Variants in DOCK7 observed in about 807,000 individuals in gnomAD.
DOCK7 encodes dedicator of cytokinesis protein 7.
In DOCK7, 138 loss-of-function variants were observed where a neutral mutation model predicts 271.0. The ratio of observed to expected loss-of-function variants is 0.51; its 90% CI spans 0.44 to 0.59. The LOEUF is 0.59. DOCK7 is among the 20% of genes least tolerant of loss of function. DOCK7 has a pLI of 0.00. For missense variants in DOCK7, 2,066 were observed against 2,592.4 expected (o/e 0.80, Z 4.41); for synonymous variants, 823 against 876.1 (o/e 0.94, Z 1.07).
At chr1:62,674,847 A>AT (rs1469533947) in intron 1 of DOCK7, among the ~76,000 whole-genome samples, 1 of 152,190 alleles carries the variant, frequency 6.6e-6, no homozygotes, top group East Asian at 1.9e-4. Flanking sequence ...AAACTATCAA[A>AT]TTTTTAGCAG....
intron 22 of DOCK7, among the ~76,000 whole-genome samples, chr1:62,546,578 A>G (rs1478772204): frequency 6.6e-6 from 1 of 152,136 alleles, no homozygotes; most frequent in Non-Finnish European, 1.5e-5. Context: ...CATGGTAAGA[A>G]TCAAATTAAA....
intron 41 of DOCK7, among the ~76,000 whole-genome samples, chr1:62,489,860 C>T (rs892050942): frequency 6.6e-6 from 1 of 152,016 alleles, no homozygotes; most frequent in African/African-American, 2.4e-5. Flanking sequence ...TTTACTTTTC[C>T]AAAATATTAA....
intron 14 of DOCK7, among the ~76,000 whole-genome samples, chr1:62,596,028 C>T (rs1321409319): frequency 6.6e-6 from 1 of 152,084 alleles, no homozygotes; most frequent in Non-Finnish European, 1.5e-5. Context: ...TGTTAAAAAG[C>T]TATTAACTTT....
At chr1:62,477,659 CA>C (rs1372011385) in intron 44 of DOCK7, 40 bp downstream of exon 44, 5 of 1,532,554 alleles carry the variant, frequency 3.3e-6, no homozygotes, top group Admixed American at 2.1e-5. Flanking sequence ...AGAGAGAATA[CA>C]AACTAAAGAT....
At chr1:62,648,370 A>G (rs747542574) in intron 5 of DOCK7, 45 bp downstream of exon 5, 58 of 1,435,476 alleles carry the variant, frequency 4.0e-5, no homozygotes, top group Non-Finnish European at 4.1e-5. Flanking sequence ...ATTGACAACT[A>G]TTTTTAAATA....
At chr1:62,530,819 GC>G (rs201685496) in intron 29 of DOCK7, 1,635 of 153,180 alleles carry the variant, frequency 0.011, 10 homozygotes, top group Non-Finnish European at 0.017. Context: ...TGCCGTAACT[GC>G]CGCAAGAAGT....
rs747963484 is a variant in DOCK7 at position 62,552,771 on chromosome 1, C to A, written c.2727G>T (p.Thr909=). 1.9e-6 allele frequency: 3 copies of A among 1,613,296 alleles called. No individual in the cohort carries two copies. Among genetic ancestry groups the A allele is most frequent in the Non-Finnish European group, 2.5e-6 (3 of 1,179,670 alleles). ...NSNPDISGTP[T]SPDDEVRSII... ...TTGATCGAACTTCATCATCTGGTGA[C>A]GTGGGAGTCCCAGATATATCTGGAT... The change falls in exon 22 of 50, where the codon ACG becomes ACT. Residue 909 remains threonine, a synonymous_variant. Transcript: ENST00000635253.
chr1:62,527,817 T>C (rs1645056869), intron 31 of DOCK7, among the ~76,000 whole-genome samples: 2 of 149,490 alleles, frequency 1.3e-5, no homozygotes, highest in African/African-American at 2.5e-5. Context: ...ACATGGCACA[T>C]GTATACATAT....
At chr1:62,549,513 A>G (rs1645822276) in intron 22 of DOCK7, among the ~76,000 whole-genome samples, 1 of 152,146 alleles carries the variant, frequency 6.6e-6, no homozygotes, top group Non-Finnish European at 1.5e-5. Flanking sequence ...TTTTTATTTA[A>G]TTTTGTGGGT....
chr1:62,576,447 A>G (rs1159951152), intron 18 of DOCK7, among the ~76,000 whole-genome samples: 1 of 152,222 alleles, frequency 6.6e-6, no homozygotes, highest in Non-Finnish European at 1.5e-5. Context: ...GCTCTGTGCT[A>G]TGTGGCTATC....
intron 1 of DOCK7, among the ~76,000 whole-genome samples, chr1:62,687,280 T>TA (rs1427790037): frequency 1.3e-5 from 2 of 152,246 alleles, no homozygotes; most frequent in Non-Finnish European, 2.9e-5. Flanking sequence ...CTACAAATAT[T>TA]AGAGTCCTCT....
intron 1 of DOCK7, among the ~76,000 whole-genome samples, chr1:62,674,844 C>T (rs985889473): frequency 1.3e-5 from 2 of 152,048 alleles, no homozygotes; most frequent in Non-Finnish European, 2.9e-5. Flanking sequence ...CTAAAACTAT[C>T]AAATTTTTAG....
chr1:62,656,112 C>G (rs1157190850), intron 2 of DOCK7, among the ~76,000 whole-genome samples: 1 of 152,148 alleles, frequency 6.6e-6, no homozygotes, highest in Admixed American at 6.5e-5. Flanking sequence ...TCTTCTTTAA[C>G]CATTGTTATT....
chr1:62,523,983 T>C (rs1456551569), intron 31 of DOCK7, among the ~76,000 whole-genome samples: 5 of 152,154 alleles, frequency 3.3e-5, no homozygotes, highest in African/African-American at 7.2e-5. Flanking sequence ...GAACCACTTA[T>C]AACTGACAAT....
chr1:62,584,879 C>T (rs761725234), intron 15 of DOCK7: 1 of 715,638 alleles, frequency 1.4e-6, no homozygotes, highest in Non-Finnish European at 2.6e-6. Context: ...AGCTGGGGCT[C>T]TGTAGAGGAG....
chr1:62,631,441 C>T, intron 10 of DOCK7, 36 bp from the exon 11 acceptor site: 2 of 1,511,510 alleles, frequency 1.3e-6, no homozygotes, highest in Non-Finnish European at 1.8e-6. Context: ...TATGATTATA[C>T]TTGAAAGAAA....
intron 11 of DOCK7, among the ~76,000 whole-genome samples, chr1:62,629,865 T>A (rs2149617415): frequency 6.6e-6 from 1 of 152,318 alleles, no homozygotes; most frequent in South Asian, 2.1e-4. Flanking sequence ...TTCTAAATAT[T>A]CAAAACACTT....
intron 1 of DOCK7, among the ~76,000 whole-genome samples, chr1:62,686,075 C>T (rs1032890587): frequency 6.6e-6 from 1 of 151,932 alleles, no homozygotes; most frequent in Non-Finnish European, 1.5e-5. Context: ...AGTGCACTTA[C>T]TTTATCAGCA....
chr1:62,515,602 T>G (rs1644638777), intron 31 of DOCK7, among the ~76,000 whole-genome samples: 1 of 152,192 alleles, frequency 6.6e-6, no homozygotes, highest in Non-Finnish European at 1.5e-5. Flanking sequence ...TGGGAAGAAT[T>G]AAGACAAACA....
Sources: allele counts gnomAD v4.1 joint callset (sites outside exome capture counted in the v4.1 genomes callset), GRCh38; gene constraint gnomAD v4.1.1; transcripts MANE v1.5; gene names NCBI Gene and HGNC (gene_info 2026-07-23, HGNC 2026-07-21).